NCAM2: variants seen among roughly 807,000 people sequenced by gnomAD.
NCAM2 encodes N-CAM-2.
A neutral mutation model predicts 98.1 loss-of-function variants in NCAM2; 30 were observed. The ratio of observed to expected loss-of-function variants is 0.31; its 90% CI spans 0.23 to 0.41. The LOEUF (loss-of-function observed/expected upper bound fraction) is 0.41, where lower values mean the gene tolerates loss of function less well. Among genes scored for constraint, NCAM2 ranks in the 10% least tolerant of loss-of-function variants. NCAM2 has a pLI of 1.00. For synonymous variants in NCAM2, 368 were observed against 342.4 expected (o/e 1.07, Z -0.83); for missense variants, 867 against 1,005.8 (o/e 0.86, Z 1.87).
intron 1 of NCAM2, among the ~76,000 whole-genome samples, chr21:21,105,210 T>C (rs1021774899): frequency 6.6e-6 from 1 of 152,124 alleles, no homozygotes; most frequent in African/African-American, 2.4e-5. Context: ...AGAAATGAAA[T>C]GACATGAAGT....
intron 1 of NCAM2, among the ~76,000 whole-genome samples, chr21:21,187,764 A>G (rs1020932652): frequency 6.6e-6 from 1 of 152,186 alleles, no homozygotes. Flanking sequence ...TTGGGTATTC[A>G]TTAAACCTGA....
At chr21:21,241,761 C>T (rs1259786249) in intron 1 of NCAM2, among the ~76,000 whole-genome samples, 8 of 150,962 alleles carry the variant, frequency 5.3e-5, no homozygotes, top group Non-Finnish European at 1.5e-5. Flanking sequence ...CTGCATACTT[C>T]TGAGTTCCAT....
intron 1 of NCAM2, among the ~76,000 whole-genome samples, chr21:21,090,488 G>A (rs905470151): frequency 5.9e-5 from 9 of 152,134 alleles, no homozygotes; most frequent in African/African-American, 2.2e-4. Flanking sequence ...TGATAAAAAA[G>A]CAAGCATTGC....
chr21:21,430,146 A>C (rs1034999854), intron 11 of NCAM2, among the ~76,000 whole-genome samples: 2 of 151,842 alleles, frequency 1.3e-5, no homozygotes, highest in Admixed American at 6.6e-5. Flanking sequence ...CTCCTGCTTC[A>C]GCCTCCCAAG....
intron 1 of NCAM2, among the ~76,000 whole-genome samples, chr21:21,172,765 CAT>C (rs2068165410): frequency 6.6e-6 from 1 of 152,124 alleles, no homozygotes; most frequent in South Asian, 2.1e-4. Flanking sequence ...AAATTGGACA[CAT>C]ATACTGCATC....
At chr21:21,089,023 C>T (rs188250725) in intron 1 of NCAM2, among the ~76,000 whole-genome samples, 15 of 150,334 alleles carry the variant, frequency 1.0e-4, no homozygotes, top group African/African-American at 3.7e-4. Flanking sequence ...TTTCAGGCTT[C>T]AGGGATCATA....
chr21:21,052,209 G>C (rs991260624), intron 1 of NCAM2, among the ~76,000 whole-genome samples: 3 of 132,056 alleles, frequency 2.3e-5, no homozygotes, highest in African/African-American at 8.8e-5. Context: ...CCAGGCTGGA[G>C]TACACTGGCA....
intron 12 of NCAM2, among the ~76,000 whole-genome samples, chr21:21,455,210 C>CAAAAAAAAAAA (rs5842926): frequency 1.0e-5 from 1 of 95,458 alleles, no homozygotes; most frequent in African/African-American, 3.9e-5. Flanking sequence ...AACCTATTGG[C>CAAAAAAAAAAA]AAAAAAAAAA....
rs1391680423 is a variant in NCAM2 at position 21,530,103 on chromosome 21, A to G, written c.2283-4434A>G. ...ATATAATTTAATTTAATTTAATTAT[A>G]TATAATTTAATTTAATTTAATTATA... On this transcript the variant is annotated intron_variant, in intron 16 of 17. Transcript: ENST00000400546. Among the ~76,000 whole-genome samples the G allele has an allele frequency of 3.0e-4, 44 of 145,514 alleles. 1 individual carries two copies. In the South Asian group the frequency reaches 8.6e-3, roughly 28 times the overall value.
intron 8 of NCAM2, among the ~76,000 whole-genome samples, chr21:21,358,656 A>G (rs911522796): frequency 1.3e-5 from 2 of 152,202 alleles, no homozygotes; most frequent in South Asian, 2.1e-4. Flanking sequence ...CCAAGTTTAT[A>G]TAAAATAGAG....
At chr21:21,313,950 A>G (rs2074137512) in intron 5 of NCAM2, among the ~76,000 whole-genome samples, 1 of 152,090 alleles carries the variant, frequency 6.6e-6, no homozygotes, top group African/African-American at 2.4e-5. Context: ...ATAGCATCAT[A>G]TAGGTCCCTA....
chr21:21,148,631 C>G (rs1384485819), intron 1 of NCAM2, among the ~76,000 whole-genome samples: 1 of 152,038 alleles, frequency 6.6e-6, no homozygotes, highest in Non-Finnish European at 1.5e-5. Context: ...AGGCCTGAAG[C>G]TTTTTTTGAG....
At chr21:21,356,397 T>C (rs1430310331) in intron 8 of NCAM2, among the ~76,000 whole-genome samples, 2 of 152,084 alleles carry the variant, frequency 1.3e-5, no homozygotes, top group East Asian at 1.9e-4. Context: ...TTAAGCCAGG[T>C]TTATTGGAAG....
At chr21:21,502,006 AT>A in intron 15 of NCAM2, among the ~76,000 whole-genome samples, 1 of 152,062 alleles carries the variant, frequency 6.6e-6, no homozygotes, top group Middle Eastern at 3.4e-3. Flanking sequence ...AAAAGTCTCT[AT>A]CCCCTGGAGG....
intron 6 of NCAM2, among the ~76,000 whole-genome samples, chr21:21,334,115 T>C (rs1344584795): frequency 1.3e-5 from 2 of 152,092 alleles, no homozygotes; most frequent in Non-Finnish European, 2.9e-5. Context: ...GTATTTTTAG[T>C]AGAGATGGAG....
chr21:21,175,955 G>T (rs1353474301), intron 1 of NCAM2, among the ~76,000 whole-genome samples: 1 of 152,140 alleles, frequency 6.6e-6, no homozygotes, highest in Non-Finnish European at 1.5e-5. Context: ...ATTCTCTGCA[G>T]AAAATGTGGT....
intron 1 of NCAM2, among the ~76,000 whole-genome samples, chr21:21,221,279 A>G (rs575175546): frequency 3.9e-5 from 6 of 152,240 alleles, no homozygotes; most frequent in South Asian, 2.1e-4. Flanking sequence ...TACCACCCCT[A>G]CAATGGCCTC....
At chr21:21,247,187 T>C (rs1270729602) in intron 1 of NCAM2, among the ~76,000 whole-genome samples, 5 of 151,890 alleles carry the variant, frequency 3.3e-5, no homozygotes, top group Non-Finnish European at 7.4e-5. Flanking sequence ...GGCGTGGTGG[T>C]GGGCACCTGT....
In NCAM2 at chr21:21,100,819, A is replaced by G. The variant is rs558271065; in HGVS notation, c.55+102201A>G. 2.0e-5 allele frequency among the ~76,000 whole-genome samples: 3 copies of G among 152,132 alleles called. No individual in the cohort carries two copies. In the East Asian group the frequency reaches 5.8e-4, roughly 29 times the overall value. ...CCATGCAAGACCTGTACGCATAGAC[A>G]CATAGCTGTTCTCTTGGGAGCACCC... On this transcript the variant is annotated intron_variant, in intron 1 of 17. Coordinates refer to ENST00000400546, the MANE Select transcript of NCAM2 (RefSeq NM_004540.5).
Sources: gnomAD v4.1 joint callset for allele counts (sites outside exome capture counted in the v4.1 genomes callset) on GRCh38, gnomAD v4.1.1 for gene constraint, MANE v1.5 for transcripts, NCBI Gene and HGNC (gene_info 2026-07-23, HGNC 2026-07-21) for gene names.